The following SHC2 variants were observed in gnomAD, a reference collection of about 807,000 sequenced individuals.
SHC2 encodes SHC-transforming protein 2.
Under a neutral mutation model 60.6 loss-of-function variants are expected in SHC2, and 62 were observed. The ratio of observed to expected loss-of-function variants is 1.02; its 90% CI spans 0.83 to 1.26. SHC2 has a LOEUF of 1.26. Among genes scored for constraint, SHC2 ranks in the 50% most tolerant of loss-of-function variants. The probability of loss-of-function intolerance (pLI) is 0.00; values close to 1 mark genes in which losing one functional copy is unlikely to be tolerated. For missense variants in SHC2, 873 were observed against 822.2 expected (o/e 1.06, Z -0.76); for synonymous variants, 375 against 372.4 (o/e 1.01, Z -0.08).
At chr19:421,216 G>A (rs1974261053) in intron 11 of SHC2, among the ~76,000 whole-genome samples, 1 of 151,646 alleles carries the variant, frequency 6.6e-6, no homozygotes, top group Admixed American at 6.6e-5. Flanking sequence ...GGCCAATATA[G>A]TGAAACCCCA....
At chr19:430,029 C>T (rs556103885) in intron 9 of SHC2, among the ~76,000 whole-genome samples, 125 of 149,250 alleles carry the variant, frequency 8.4e-4, no homozygotes, top group Middle Eastern at 3.6e-3. Flanking sequence ...GACGCAGTAC[C>T]TATACCCCAA....
intron 9 of SHC2, among the ~76,000 whole-genome samples, chr19:427,254 T>C (rs955024331): frequency 1.3e-5 from 2 of 152,094 alleles, no homozygotes; most frequent in Non-Finnish European, 2.9e-5. Context: ...GCGGGGCTGG[T>C]GGGCGAGCCG....
chr19:428,524 G>A (rs1196607007), intron 9 of SHC2, among the ~76,000 whole-genome samples: 1 of 152,186 alleles, frequency 6.6e-6, no homozygotes, highest in Non-Finnish European at 1.5e-5. Flanking sequence ...GTGGAAGATG[G>A]ATGGGTAGCA....
At chr19:449,690 G>A (rs1278753743) in intron 1 of SHC2, among the ~76,000 whole-genome samples, 1 of 152,054 alleles carries the variant, frequency 6.6e-6, no homozygotes, top group Non-Finnish European at 1.5e-5. Context: ...GAACCCGGGA[G>A]GCGGAGGTTG....
chr19:436,721 C>A, intron 4 of SHC2, 38 bp from the exon 5 acceptor site: 1 of 1,585,826 alleles, frequency 6.3e-7, no homozygotes. Context: ...ATGGGGGCCC[C>A]GCTTCGAGGG....
Position 460,841 on chromosome 19 carries a change from C to A in SHC2, c.156G>T (p.Arg52=). The A allele has an allele frequency of 1.0e-6, 1 of 984,108 alleles. No homozygotes were observed. Among genetic ancestry groups the A allele is most frequent in the Non-Finnish European group, 1.2e-6 (1 of 830,906 alleles). 61.0% of individuals were successfully genotyped at this position (984,108 alleles called of 1,614,324 possible). A position where few individuals can be genotyped will look rare whatever the true frequency, so the allele number is the denominator to read the frequency against. Residue 52 remains arginine (R), a synonymous_variant, in exon 1 of 13, where the codon CGG becomes CGT. Coordinates refer to ENST00000264554, the MANE Select transcript of SHC2 (RefSeq NM_012435.3). ...GFLGRGPAAA[R]AAGASGGADP... ...CCGCGCCCCCCGAGGCCCCAGCCGC[C>A]CGCGCCGCCGCCGGGCCGCGGCCCA...
In SHC2 at chr19:453,950, C is replaced by T. The variant is rs539353019; in HGVS notation, c.468+6579G>A. The stretch of plus-strand genomic sequence containing the variant: ...GGACGAGCCCAGCGCCAAAATGGTA[C>T]GTGTGGGAGAACACGGGGTCGGTGT... On this transcript the variant is annotated intron_variant, in intron 1 of 12. Transcript: ENST00000264554. This position sits in a 1 kb window ranked among gnomAD's most constrained non-coding sequence, Gnocchi z 6.3. Among the ~76,000 whole-genome samples the T allele has an allele frequency of 3.9e-5, 6 of 152,324 alleles. No individual in the cohort carries two copies. Among genetic ancestry groups the T allele is most frequent in the East Asian group, 3.9e-4 (2 of 5,172 alleles).
In SHC2 at chr19:439,015, C is replaced by G. The variant is rs1486061488; in HGVS notation, c.555G>C (p.Arg185=). Residue 185 remains arginine (R), a synonymous_variant, in exon 3 of 13, where the codon CGG becomes CGC. Transcript: ENST00000264554. ...GGACGCCAGGCACGGCCTCATGGAG[C>G]CGGTTGATGGCTTCCCTGGGGTTGG... ...RTQVTREAIN[R]LHEAVPGVRG... 2 of 1,588,940 alleles carry G rather than the reference C, an allele frequency of 1.3e-6. No homozygotes were observed. Among genetic ancestry groups the G allele is most frequent in the South Asian group, 2.3e-5 (2 of 87,908 alleles).
chr19:436,914 G>T (rs955882733), intron 4 of SHC2, among the ~76,000 whole-genome samples: 3 of 152,180 alleles, frequency 2.0e-5, no homozygotes, highest in Middle Eastern at 6.8e-3. Context: ...GGATGTGTGG[G>T]GTCCGCAGGA....
chr19:425,295 A>C lies in SHC2; in HGVS notation c.1175-64T>G. The C allele has an allele frequency of 7.9e-7, 1 of 1,263,794 alleles. No individual in the cohort carries two copies. The highest frequency in any genetic ancestry group is 1.0e-6 in the Non-Finnish European group (1 of 992,466). The allele number at this position is 1,263,794 out of a possible 1,614,324, so 78.3% of individuals were successfully genotyped here. On this transcript the variant is annotated intron_variant, in intron 9 of 12. Coordinates refer to ENST00000264554, the MANE Select transcript of SHC2 (RefSeq NM_012435.3). The surrounding 1 kb of genome is among the most constrained non-coding windows in gnomAD (Gnocchi z 4.1). ...CCAGGCGAGGGGCTCGCAGGGAGCA[A>C]GGCGGGGTCCCACGAGGAGCTCCCC...
At chr19:458,702 C>T (rs1346242575) in intron 1 of SHC2, among the ~76,000 whole-genome samples, 2 of 105,062 alleles carry the variant, frequency 1.9e-5, no homozygotes, top group African/African-American at 7.0e-5. Flanking sequence ...TCCGGGGAGG[C>T]GGAAGCGGGT....
intron 9 of SHC2, among the ~76,000 whole-genome samples, chr19:429,163 C>T (rs563541037): frequency 4.8e-5 from 7 of 145,982 alleles, no homozygotes; most frequent in African/African-American, 1.5e-4. Flanking sequence ...CCAACATGCA[C>T]AGAAACCTAA....
chr19:457,013 AAC>A, intron 1 of SHC2, among the ~76,000 whole-genome samples: 1 of 141,814 alleles, frequency 7.1e-6, no homozygotes, highest in Non-Finnish European at 1.5e-5. Context: ...CCCCGCCTAG[AAC>A]TCTGTCTGTA....
Position 460,842 on chromosome 19 carries a change from C to G in SHC2, c.155G>C (p.Arg52Pro), listed in dbSNP as rs1054928172. 8.1e-6 allele frequency: 8 copies of G among 984,122 alleles called. No homozygotes were observed. The highest frequency in any genetic ancestry group is 1.3e-4 in the Admixed American group (2 of 15,828). 61.0% of individuals were successfully genotyped at this position (984,122 alleles called of 1,614,324 possible). A position where few individuals can be genotyped will look rare whatever the true frequency, so the allele number is the denominator to read the frequency against. The change falls in exon 1 of 13, where the codon CGG becomes CCG. Residue 52 changes from arginine (R) to proline (P), a missense_variant. By Grantham distance (103) the Arg-to-Pro change is moderately radical. Coordinates refer to ENST00000264554, the MANE Select transcript of SHC2 (RefSeq NM_012435.3). The part of the protein sequence containing the change: ...GFLGRGPAAA[R>P]AAGASGGADP... ...CGCGCCCCCCGAGGCCCCAGCCGCC[C>G]GCGCCGCCGCCGGGCCGCGGCCCAG...
chr19:423,667 G>A (rs921252323), intron 10 of SHC2, among the ~76,000 whole-genome samples: 2 of 151,724 alleles, frequency 1.3e-5, no homozygotes, highest in African/African-American at 4.8e-5. Flanking sequence ...TCCTGGTCCT[G>A]GGGGGTCCTC....
At chr19:456,800 ACG>A (rs1975354202) in intron 1 of SHC2, among the ~76,000 whole-genome samples, 1 of 120,240 alleles carries the variant, frequency 8.3e-6, no homozygotes, top group Non-Finnish European at 1.8e-5. Flanking sequence ...AATCCCCACC[ACG>A]TGGGGCCTTT....
chr19:429,727 C>G (rs1211870521), intron 9 of SHC2, among the ~76,000 whole-genome samples: 1 of 145,172 alleles, frequency 6.9e-6, no homozygotes, highest in Middle Eastern at 3.6e-3. Context: ...GTGTGGATGA[C>G]GCAGTACCTA....
At chr19:426,369 A>G (rs1029420407) in intron 9 of SHC2, among the ~76,000 whole-genome samples, 6 of 146,302 alleles carry the variant, frequency 4.1e-5, no homozygotes, top group East Asian at 2.1e-4. Flanking sequence ...CGAGAGGCAG[A>G]GTCCGGGGAG....
intron 1 of SHC2, among the ~76,000 whole-genome samples, chr19:458,360 A>G (rs1975427499): frequency 9.4e-6 from 1 of 106,840 alleles, no homozygotes; most frequent in African/African-American, 3.6e-5. Flanking sequence ...GGTTCCGGGG[A>G]GGCGGAAGCG....
Sources: gnomAD v4.1 joint callset for allele counts (sites outside exome capture counted in the v4.1 genomes callset) on GRCh38, gnomAD v4.1.1 for gene constraint, Gnocchi (gnomAD v3.1) non-coding constraint, MANE v1.5 for transcripts, NCBI Gene and HGNC (gene_info 2026-07-23, HGNC 2026-07-21) for gene names.